The following MCPH1 variants were observed in gnomAD, a reference collection of about 807,000 sequenced individuals.
The protein encoded by MCPH1 is microcephalin.
Under a neutral mutation model 84.5 loss-of-function variants are expected in MCPH1, and 104 were observed. The observed-to-expected ratio is 1.23, with a 90% CI of 1.05 to 1.45. The LOEUF is 1.45. MCPH1 is among the 40% of genes most tolerant of loss of function. The probability of loss-of-function intolerance (pLI) is 0.00; values close to 1 mark genes in which losing one functional copy is unlikely to be tolerated. For synonymous variants in MCPH1, 514 were observed against 366.8 expected (o/e 1.40, Z -4.58); for missense variants, 1,498 against 1,005.7 (o/e 1.49, Z -6.62).
intron 11 of MCPH1, among the ~76,000 whole-genome samples, chr8:6,499,140 G>A (rs1332155924): frequency 6.6e-6 from 1 of 151,952 alleles, no homozygotes; most frequent in Admixed American, 6.6e-5. Flanking sequence ...TGTTATTTTA[G>A]CTCTAAACTT....
At chr8:6,584,534 G>A (rs1035465140) in intron 12 of MCPH1, among the ~76,000 whole-genome samples, 2 of 151,978 alleles carry the variant, frequency 1.3e-5, no homozygotes, top group Non-Finnish European at 2.9e-5. Flanking sequence ...TAATAAACTT[G>A]GTACCAGAAC....
intron 5 of MCPH1, among the ~76,000 whole-genome samples, chr8:6,436,395 C>T (rs954721719): frequency 6.6e-5 from 10 of 152,088 alleles, no homozygotes; most frequent in African/African-American, 2.2e-4. Flanking sequence ...TCAAGGTGGT[C>T]GAACTTTTTA....
At position 6,439,018 on chromosome 8, in the gene MCPH1, A is replaced by G. The variant is rs752860887; in HGVS notation, c.502A>G (p.Ile168Val). 1.6e-5 allele frequency: 25 copies of G among 1,611,854 alleles called. No homozygotes were observed. The highest frequency in any genetic ancestry group is 6.8e-6 in the Non-Finnish European group (8 of 1,178,236). ...ATTAATATATACTCCCACAATTGAA[A>G]TTAATAGTAGGCACCACAGCGCAAT... Reference protein sequence around the residue: ...GSLIYTPTIEINSRHHSAMEK... With the variant: ...GSLIYTPTIEVNSRHHSAMEK... The change falls in exon 6 of 14, where the codon ATT becomes GTT. Residue 168 changes from isoleucine to valine, a missense_variant. Coordinates refer to ENST00000344683, the MANE Select transcript of MCPH1 (RefSeq NM_024596.5).
chr8:6,570,409 G>A (rs928232974), intron 12 of MCPH1, among the ~76,000 whole-genome samples: 1 of 152,172 alleles, frequency 6.6e-6, no homozygotes, highest in Non-Finnish European at 1.5e-5. Context: ...TGCCAAAACG[G>A]ACAGAAAGCT....
At chr8:6,623,013 CTTTTTT>C (rs1164226735) in intron 13 of MCPH1, among the ~76,000 whole-genome samples, 13 of 109,914 alleles carry the variant, frequency 1.2e-4, no homozygotes, top group East Asian at 8.0e-4. Flanking sequence ...GCTTTACTTT[CTTTTTT>C]TTTTTTTTTT....
intron 9 of MCPH1, among the ~76,000 whole-genome samples, chr8:6,464,268 G>A (rs1037479477): frequency 6.6e-6 from 1 of 152,140 alleles, no homozygotes; most frequent in Non-Finnish European, 1.5e-5. Flanking sequence ...GCAGTGGCGG[G>A]GATGTGCTCG....
At chr8:6,559,312 G>A (rs951155758) in intron 12 of MCPH1, among the ~76,000 whole-genome samples, 1 of 151,792 alleles carries the variant, frequency 6.6e-6, no homozygotes, top group Non-Finnish European at 1.5e-5. Context: ...TCCCCTGGGA[G>A]CCCCTCACCA....
At chr8:6,427,673 C>A (rs1405599282) in intron 3 of MCPH1, among the ~76,000 whole-genome samples, 2 of 152,102 alleles carry the variant, frequency 1.3e-5, no homozygotes, top group Non-Finnish European at 2.9e-5. Flanking sequence ...AGTTATTGCA[C>A]CCGGCTCCTC....
chr8:6,508,197 C>G (rs994357621), intron 12 of MCPH1: 4 of 152,240 alleles, frequency 2.6e-5, no homozygotes, highest in Non-Finnish European at 4.4e-5. Flanking sequence ...CACCTGTAAT[C>G]TCAACACTTC....
intron 6 of MCPH1, among the ~76,000 whole-genome samples, chr8:6,439,504 C>T (rs1803187540): frequency 6.6e-6 from 1 of 151,786 alleles, no homozygotes; most frequent in South Asian, 2.1e-4. Context: ...ACTGCCTCAG[C>T]CTCCCGAGTA....
intron 1 of MCPH1, among the ~76,000 whole-genome samples, chr8:6,407,708 C>T (rs915273004): frequency 6.6e-6 from 1 of 152,116 alleles, no homozygotes; most frequent in Non-Finnish European, 1.5e-5. Context: ...AGCGTTACCC[C>T]CAATCATTGA....
chr8:6,613,723 C>G lies in MCPH1; in HGVS notation c.2215-7731C>G, dbSNP rs529517707. 4.6e-5 allele frequency among the ~76,000 whole-genome samples: 7 copies of G among 151,888 alleles called. No homozygotes were observed. The East Asian group carries it at 1.4e-3, about 29-fold the overall frequency. ...GAGATAGAGACAGAGTCATCAGGGC[C>G]GAGAGGAATGACAGTAACAGCGAGG... On this transcript the variant is annotated intron_variant, in intron 12 of 13. Coordinates refer to ENST00000344683, the MANE Select transcript of MCPH1 (RefSeq NM_024596.5).
At chr8:6,576,188 C>G (rs1237457302) in intron 12 of MCPH1, among the ~76,000 whole-genome samples, 1 of 152,122 alleles carries the variant, frequency 6.6e-6, no homozygotes, top group East Asian at 1.9e-4. Flanking sequence ...CCAGGCAGCT[C>G]CTGGTGATAG....
At chr8:6,607,822 C>A (rs1322272802) in intron 12 of MCPH1, among the ~76,000 whole-genome samples, 1 of 152,214 alleles carries the variant, frequency 6.6e-6, no homozygotes, top group Non-Finnish European at 1.5e-5. Flanking sequence ...GCAGGTGGAA[C>A]TGTGAGACCA....
chr8:6,605,599 C>G lies in MCPH1; in HGVS notation c.2215-15855C>G, dbSNP rs568663470. Among the ~76,000 whole-genome samples, 9 of 152,332 alleles carry G rather than the reference C, an allele frequency of 5.9e-5. No individual in the cohort carries two copies. In the South Asian group the frequency reaches 1.9e-3, roughly 32 times the overall value. ...TAGTAGCTGGACTCTAGACTCTAAG[C>G]AGGGATGAAGTCAGTGGCTGCTGAT... On this transcript the variant is annotated intron_variant, in intron 12 of 13. Transcript: ENST00000344683.
chr8:6,455,181 G>A lies in MCPH1; in HGVS notation c.1864G>A (p.Asp622Asn), dbSNP rs201318603. 2 of 1,614,054 alleles carry A rather than the reference G, an allele frequency of 1.2e-6. No individual in the cohort carries two copies. The highest frequency in any genetic ancestry group is 2.2e-5 in the South Asian group (2 of 91,072). Reference sequence around the variant, plus strand: ...ACCAACAAGGCATGATGTTTTAGATGACTCATGTGACGGCTTTAAGGACCT... The same window carrying A: ...ACCAACAAGGCATGATGTTTTAGATAACTCATGTGACGGCTTTAAGGACCT... ...NRPTRHDVLD[D>N]SCDGFKDLIK... is the part of the protein sequence containing the mutation. The change falls in exon 9 of 14, where the codon GAC (aspartate) becomes AAC (asparagine). Residue 622 changes from aspartate to asparagine, a missense_variant. Coordinates refer to ENST00000344683, the MANE Select transcript of MCPH1 (RefSeq NM_024596.5).
chr8:6,507,967 T>G (rs1337702531), intron 12 of MCPH1: 1 of 152,230 alleles, frequency 6.6e-6, no homozygotes, highest in Non-Finnish European at 1.5e-5. Context: ...TTTAAGTGAC[T>G]ACTACAATGG....
chr8:6,582,925 G>A (rs75528470), intron 12 of MCPH1, among the ~76,000 whole-genome samples: 11 of 152,078 alleles, frequency 7.2e-5, no homozygotes, highest in Admixed American at 2.6e-4. Flanking sequence ...TCTTTTCCAT[G>A]AAGTCTTCTC....
At chr8:6,499,762 C>G (rs556041157) in intron 11 of MCPH1, 90 bp from the exon 12 acceptor site, 3 of 1,149,816 alleles carry the variant, frequency 2.6e-6, no homozygotes, top group South Asian at 1.2e-5. Context: ...GAGTGTATCA[C>G]TTTTTGCTGT....
Sources: gnomAD v4.1 joint callset for allele counts (sites outside exome capture counted in the v4.1 genomes callset) on GRCh38, gnomAD v4.1.1 for gene constraint, MANE v1.5 for transcripts, NCBI Gene and HGNC (gene_info 2026-07-23, HGNC 2026-07-21) for gene names.